Variants in KCNB2 observed in about 807,000 individuals in gnomAD.
KCNB2 encodes the protein delayed rectifier potassium channel protein.
In KCNB2, 15 loss-of-function variants were observed where a neutral mutation model predicts 61.5. The ratio of observed to expected loss-of-function variants is 0.24; its 90% CI spans 0.16 to 0.38. The LOEUF (loss-of-function observed/expected upper bound fraction) is 0.38. Among genes scored for constraint, KCNB2 ranks in the 10% least tolerant of loss-of-function variants. The pLI is 1.00. For synonymous variants in KCNB2, 457 were observed against 446.0 expected (o/e 1.02, Z -0.31); for missense variants, 828 against 1,125.2 (o/e 0.74, Z 3.78).
chr8:72,920,486 T>C (rs562748626), intron 2 of KCNB2, among the ~76,000 whole-genome samples: 1 of 137,770 alleles, frequency 7.3e-6, no homozygotes, highest in East Asian at 2.0e-4. Flanking sequence ...TATATATATA[T>C]ATTAGCTGGC....
intron 2 of KCNB2, among the ~76,000 whole-genome samples, chr8:72,703,861 G>A (rs1807174435): frequency 1.3e-5 from 2 of 152,184 alleles, no homozygotes; most frequent in South Asian, 4.1e-4. Flanking sequence ...TGGACTGAAG[G>A]ATATGTCATT....
chr8:72,715,172 T>A (rs1023866289), intron 2 of KCNB2, among the ~76,000 whole-genome samples: 2 of 152,138 alleles, frequency 1.3e-5, no homozygotes, highest in African/African-American at 4.8e-5. Context: ...AAGTCCTTAG[T>A]GACCTACAAA....
At position 72,559,509 on chromosome 8, in the gene KCNB2, G is replaced by T. The variant is rs1806480073; in HGVS notation, c.-93-8133G>T. 1.3e-5 allele frequency among the ~76,000 whole-genome samples: 2 copies of T among 152,280 alleles called. 1 individual carries two copies. Among genetic ancestry groups the T allele is most frequent in the South Asian group, 4.1e-4 (2 of 4,822 alleles). ...AGCATCTTCTACAAGAGATGGCCCT[G>T]ACCTGCTGGGGTTTGGGCTGTAGTG... is the stretch of plus-strand genomic sequence containing the variant. On this transcript the variant is annotated intron_variant, in intron 1 of 2. Coordinates refer to ENST00000523207, the MANE Select transcript of KCNB2 (RefSeq NM_004770.3).
intron 1 of KCNB2, among the ~76,000 whole-genome samples, chr8:72,562,546 G>A (rs1483964872): frequency 6.6e-6 from 1 of 152,108 alleles, no homozygotes; most frequent in Non-Finnish European, 1.5e-5. Context: ...TTGATTGAAT[G>A]AGGTGAAATA....
At chr8:72,773,312 T>C (rs1279434306) in intron 2 of KCNB2, among the ~76,000 whole-genome samples, 3 of 152,150 alleles carry the variant, frequency 2.0e-5, no homozygotes, top group Admixed American at 6.5e-5. Flanking sequence ...TCTTCCCCCA[T>C]GTGGTGAAAA....
At chr8:72,715,403 A>G (rs1478915976) in intron 2 of KCNB2, among the ~76,000 whole-genome samples, 1 of 152,194 alleles carries the variant, frequency 6.6e-6, no homozygotes, top group Admixed American at 6.5e-5. Flanking sequence ...TTGACCACAT[A>G]ATTGGAAGTA....
intron 2 of KCNB2, among the ~76,000 whole-genome samples, chr8:72,629,073 A>G (rs1315891822): frequency 1.3e-5 from 2 of 152,246 alleles, no homozygotes; most frequent in East Asian, 3.8e-4. Context: ...ACAGACAAAA[A>G]AAGAAGACAT....
intron 2 of KCNB2, among the ~76,000 whole-genome samples, chr8:72,653,063 C>T (rs927082922): frequency 2.0e-5 from 3 of 152,102 alleles, no homozygotes; most frequent in Non-Finnish European, 2.9e-5. Context: ...TGGCCTGTCC[C>T]CTCCTCTCTG....
At chr8:72,612,472 C>G (rs1376555941) in intron 2 of KCNB2, among the ~76,000 whole-genome samples, 1 of 152,218 alleles carries the variant, frequency 6.6e-6, no homozygotes, top group African/African-American at 2.4e-5. Context: ...GTCATTCATA[C>G]TGATGACATT....
intron 2 of KCNB2, among the ~76,000 whole-genome samples, chr8:72,738,778 T>C (rs750953996): frequency 2.0e-5 from 3 of 152,270 alleles, no homozygotes; most frequent in South Asian, 4.1e-4. Context: ...AGGGTCAAGT[T>C]TGAGCATCCC....
intron 2 of KCNB2, among the ~76,000 whole-genome samples, chr8:72,740,944 TCA>T (rs1317967350): frequency 2.0e-5 from 3 of 152,240 alleles, no homozygotes; most frequent in Non-Finnish European, 4.4e-5. Flanking sequence ...CTTAGATGTC[TCA>T]CAGTTTGTAA....
At chr8:72,695,321 C>T (rs1032934589) in intron 2 of KCNB2, among the ~76,000 whole-genome samples, 1 of 152,158 alleles carries the variant, frequency 6.6e-6, no homozygotes, top group Non-Finnish European at 1.5e-5. Context: ...GTGTCTTCTA[C>T]TTAGCAGCCC....
chr8:72,924,595 A>T (rs925161425), intron 2 of KCNB2, among the ~76,000 whole-genome samples: 1 of 152,202 alleles, frequency 6.6e-6, no homozygotes, highest in Non-Finnish European at 1.5e-5. Context: ...AGGAGCAGAT[A>T]ATAGAATGTG....
At chr8:72,687,643 A>G (rs1224798914) in intron 2 of KCNB2, among the ~76,000 whole-genome samples, 4 of 152,222 alleles carry the variant, frequency 2.6e-5, no homozygotes, top group African/African-American at 7.2e-5. Context: ...TGTTTCAAAT[A>G]GTTAAAGAAT....
chr8:72,775,085 A>T (rs114959350), intron 2 of KCNB2, among the ~76,000 whole-genome samples: 2,509 of 152,300 alleles, frequency 0.016, 54 homozygotes, highest in African/African-American at 0.055. Flanking sequence ...GACACAGACC[A>T]CACCTCACTA....
intron 1 of KCNB2, among the ~76,000 whole-genome samples, chr8:72,559,182 G>A (rs1309593618): frequency 3.3e-5 from 5 of 151,790 alleles, no homozygotes; most frequent in African/African-American, 4.8e-5. Flanking sequence ...GTCCCATTCT[G>A]TTCCCCAGGA....
chr8:72,561,895 A>C (rs1315139345), intron 1 of KCNB2, among the ~76,000 whole-genome samples: 1 of 149,870 alleles, frequency 6.7e-6, no homozygotes, highest in Non-Finnish European at 1.5e-5. Context: ...CAATAGAATT[A>C]AAAAATATAC....
rs115045414 is a variant in KCNB2 at position 72,728,808 on chromosome 8, G to A, written c.579+160495G>A. 3.9e-3 allele frequency among the ~76,000 whole-genome samples: 599 copies of A among 152,158 alleles called. 4 individuals are homozygous for A. The highest frequency in any genetic ancestry group is 0.014 in the African/African-American group (569 of 41,534). On this transcript the variant is annotated intron_variant, in intron 2 of 2. Transcript: ENST00000523207. ...TCTTTGCCAGAGAAAGCAACACAGG[G>A]TATTGCAAAAAGAGCAATAAACCAT...
At chr8:72,700,327 C>T (rs1003008667) in intron 2 of KCNB2, among the ~76,000 whole-genome samples, 9 of 151,954 alleles carry the variant, frequency 5.9e-5, no homozygotes, top group South Asian at 2.1e-4. Context: ...CAAACCTGCA[C>T]GTTCTGCACA....
Sources: gnomAD v4.1 joint callset for allele counts (sites outside exome capture counted in the v4.1 genomes callset) on GRCh38, gnomAD v4.1.1 for gene constraint, MANE v1.5 for transcripts, NCBI Gene and HGNC (gene_info 2026-07-23, HGNC 2026-07-21) for gene names.